PCDH15: variants seen among roughly 807,000 people sequenced by gnomAD.
PCDH15 encodes protocadherin related 15.
A neutral mutation model predicts 178.5 loss-of-function variants in PCDH15; 129 were observed. The observed-to-expected ratio is 0.72, with a 90% confidence interval of 0.63 to 0.84. The LOEUF is 0.84. Ranked by LOEUF, PCDH15 falls within the 40% of genes least tolerant of loss-of-function variation. The pLI is 0.00. For synonymous variants in PCDH15, 800 were observed against 732.0 expected, an observed-to-expected ratio of 1.09 and a Z score of -1.50; for missense variants, 2,230 against 2,099.9, an observed-to-expected ratio of 1.06 and a Z score of -1.21.
At chr10:55,203,788 C>A (rs946748520) in intron 1 of PCDH15, among the ~76,000 whole-genome samples, 3 of 152,106 alleles carry the variant, frequency 2.0e-5, no homozygotes, top group Non-Finnish European at 4.4e-5. Context: ...AAGATGATTT[C>A]TACCTCTATT....
At chr10:54,915,220 T>A (rs765154299) in intron 2 of PCDH15, among the ~76,000 whole-genome samples, 6 of 152,212 alleles carry the variant, frequency 3.9e-5, no homozygotes, top group African/African-American at 7.2e-5. Flanking sequence ...GTGTCTAAGA[T>A]CTGATGATAT....
chr10:54,311,851 C>A (rs189355035), intron 8 of PCDH15, among the ~76,000 whole-genome samples: 7 of 151,770 alleles, frequency 4.6e-5, no homozygotes, highest in African/African-American at 1.7e-4. Context: ...TGATATAAAG[C>A]GATTTTTATT....
intron 2 of PCDH15, among the ~76,000 whole-genome samples, chr10:55,447,764 T>A (rs1476739258): frequency 6.6e-6 from 1 of 152,086 alleles, no homozygotes; most frequent in Non-Finnish European, 1.5e-5. Flanking sequence ...ATTAAAATAT[T>A]ATAAATTTAC....
intron 3 of PCDH15, among the ~76,000 whole-genome samples, chr10:54,447,209 T>C (rs1433321099): frequency 1.3e-5 from 2 of 151,658 alleles, no homozygotes; most frequent in African/African-American, 4.8e-5. Flanking sequence ...TACAACATCT[T>C]CACCTAGTTA....
At chr10:55,204,862 A>C (rs1168558544) in intron 1 of PCDH15, among the ~76,000 whole-genome samples, 1 of 152,062 alleles carries the variant, frequency 6.6e-6, no homozygotes, top group African/African-American at 2.4e-5. Flanking sequence ...ACATACTAAG[A>C]AAACTCAAAT....
intron 9 of PCDH15, among the ~76,000 whole-genome samples, chr10:54,228,042 C>T (rs2053641762): frequency 6.6e-6 from 1 of 152,122 alleles, no homozygotes. Context: ...TCTACAGAGC[C>T]CTGCAAACTG....
intron 3 of PCDH15, among the ~76,000 whole-genome samples, chr10:54,481,069 G>A (rs1002826209): frequency 6.6e-6 from 1 of 151,752 alleles, no homozygotes; most frequent in Non-Finnish European, 1.5e-5. Flanking sequence ...ATTAAGCGAA[G>A]ATTTTAGTAA....
rs145971594 is a variant in PCDH15 at position 55,095,852 on chromosome 10, T to C, written c.-80+70724A>G. Among the ~76,000 whole-genome samples the C allele has an allele frequency of 3.8e-3, 584 of 152,204 alleles. 4 individuals are homozygous for C. Among genetic ancestry groups the C allele is most frequent in the African/African-American group, 0.013 (535 of 41,544 alleles). ...AATTGTAAATACCTTGAAGGATTCA[T>C]GGTACCTATATTTTTATACTCGCAA... is the stretch of plus-strand genomic sequence containing the variant. On this transcript the variant is annotated intron_variant, in intron 2 of 5. Coordinates refer to the PCDH15 transcript ENST00000458638.
At chr10:54,807,868 G>T (rs1952803327) in intron 3 of PCDH15, among the ~76,000 whole-genome samples, 1 of 151,304 alleles carries the variant, frequency 6.6e-6, no homozygotes, top group Admixed American at 6.6e-5. Context: ...AATGAGTATA[G>T]ATTTAAAATT....
At chr10:54,590,747 T>C (rs2384473) in intron 2 of PCDH15, among the ~76,000 whole-genome samples, 141,439 of 152,134 alleles carry the variant, frequency 0.93, 66,083 homozygotes, top group Middle Eastern at 0.98. Flanking sequence ...GGGATTGTTG[T>C]AAGAATCTGA....
intron 17 of PCDH15, among the ~76,000 whole-genome samples, chr10:54,078,274 T>A (rs1397607292): frequency 6.6e-6 from 1 of 152,196 alleles, no homozygotes; most frequent in East Asian, 1.9e-4. Flanking sequence ...CAAATTTAAT[T>A]ATTTCTATTT....
At chr10:55,187,082 TA>T (rs1839818543) in intron 1 of PCDH15, among the ~76,000 whole-genome samples, 1 of 151,924 alleles carries the variant, frequency 6.6e-6, no homozygotes, top group Admixed American at 6.6e-5. Flanking sequence ...ATTCCTCTTT[TA>T]TAACAAATAT....
chr10:55,221,071 A>G (rs533795498), intron 1 of PCDH15, among the ~76,000 whole-genome samples: 18 of 152,266 alleles, frequency 1.2e-4, no homozygotes, highest in African/African-American at 4.3e-4. Context: ...AGCAATGAAA[A>G]GAATCAAGTC....
At chr10:55,607,073 A>G (rs1031801745) in intron 2 of PCDH15, among the ~76,000 whole-genome samples, 7 of 152,206 alleles carry the variant, frequency 4.6e-5, no homozygotes, top group Non-Finnish European at 8.8e-5. Context: ...CAACCCTATC[A>G]AAAAGTGGGC....
At chr10:55,179,296 A>AG (rs1173846003) in intron 1 of PCDH15, among the ~76,000 whole-genome samples, 1 of 151,960 alleles carries the variant, frequency 6.6e-6, no homozygotes, top group African/African-American at 2.4e-5. Flanking sequence ...ACCTCTTCAG[A>AG]GGGGGGATTG....
intron 2 of PCDH15, among the ~76,000 whole-genome samples, chr10:55,391,365 T>A (rs999759323): frequency 1.6e-4 from 25 of 152,092 alleles, no homozygotes; most frequent in Admixed American, 1.6e-3. Context: ...TAGGCTTTGG[T>A]TTAAGTCAAT....
At chr10:54,679,034 C>T (rs1028080695) in intron 1 of PCDH15, among the ~76,000 whole-genome samples, 3 of 151,214 alleles carry the variant, frequency 2.0e-5, no homozygotes, top group African/African-American at 7.3e-5. Context: ...ACTAAAAATA[C>T]AAAAAATTAG....
intron 2 of PCDH15, among the ~76,000 whole-genome samples, chr10:55,542,602 C>G (rs1275682714): frequency 6.9e-6 from 1 of 145,608 alleles, no homozygotes; most frequent in Admixed American, 6.9e-5. Context: ...TAGGTACATA[C>G]AGACATATGT....
chr10:54,725,399 A>C (rs1326664403), intron 1 of PCDH15, among the ~76,000 whole-genome samples: 2 of 150,404 alleles, frequency 1.3e-5, no homozygotes, highest in Non-Finnish European at 3.0e-5. Flanking sequence ...AGCTTAGATC[A>C]GGCATGATTC....
Sources: gnomAD v4.1 joint callset for allele counts (sites outside exome capture counted in the v4.1 genomes callset) on GRCh38, gnomAD v4.1.1 for gene constraint, MANE v1.5 for transcripts, NCBI Gene and HGNC (gene_info 2026-07-23, HGNC 2026-07-21) for gene names.